ATXN7L1: variants seen among roughly 807,000 people sequenced by gnomAD.
The protein encoded by ATXN7L1 is ataxin 7 like 1.
In ATXN7L1, 15 loss-of-function variants were observed where a neutral mutation model predicts 70.8. The observed-to-expected ratio is 0.21, with a 90% CI of 0.14 to 0.33. The LOEUF is 0.33. ATXN7L1 is among the 10% of genes least tolerant of loss of function. ATXN7L1 has a pLI of 1.00. For synonymous variants in ATXN7L1, 440 were observed against 445.1 expected, an observed-to-expected ratio of 0.99 and a Z score of 0.14; for missense variants, 975 against 1,097.1, an observed-to-expected ratio of 0.89 and a Z score of 1.57.
intron 3 of ATXN7L1, among the ~76,000 whole-genome samples, chr7:105,687,152 C>G (rs1043522051): frequency 2.6e-5 from 4 of 152,170 alleles, no homozygotes; most frequent in Admixed American, 6.5e-5. Context: ...TTTCCTTTGA[C>G]TATGCACCCA....
intron 2 of ATXN7L1, among the ~76,000 whole-genome samples, chr7:105,847,971 T>C (rs1814314047): frequency 6.6e-6 from 1 of 152,186 alleles, no homozygotes. Context: ...TGTTTGAGCA[T>C]TAAGATTTCC....
intron 4 of ATXN7L1, among the ~76,000 whole-genome samples, chr7:105,660,018 C>CAACTCTGCTGTCGTA (rs1801336034): frequency 6.6e-6 from 1 of 152,064 alleles, no homozygotes; most frequent in Non-Finnish European, 1.5e-5. Context: ...GGCAGGACCA[C>CAACTCTGCTGTCGTA]AACTCTGCTG....
intron 2 of ATXN7L1, among the ~76,000 whole-genome samples, chr7:105,806,595 A>G (rs1807651438): frequency 6.6e-6 from 1 of 152,150 alleles, no homozygotes; most frequent in Non-Finnish European, 1.5e-5. Flanking sequence ...GCGGGGGCCA[A>G]GCTGGGGTTG....
intron 3 of ATXN7L1, among the ~76,000 whole-genome samples, chr7:105,700,203 G>A (rs1274176811): frequency 1.3e-5 from 2 of 152,142 alleles, no homozygotes; most frequent in East Asian, 3.9e-4. Context: ...GGGGCTGGTG[G>A]TGCTAGAAAA....
intron 3 of ATXN7L1, among the ~76,000 whole-genome samples, chr7:105,669,113 C>T (rs537199966): frequency 7.2e-5 from 11 of 152,022 alleles, no homozygotes; most frequent in African/African-American, 2.4e-4. Flanking sequence ...GAGACAGTCT[C>T]GCTCTGTTGT....
intron 2 of ATXN7L1, among the ~76,000 whole-genome samples, chr7:105,800,668 T>C (rs1417168253): frequency 1.3e-5 from 2 of 152,154 alleles, no homozygotes; most frequent in African/African-American, 4.8e-5. Flanking sequence ...GCTGGGCAGC[T>C]GTGGGGTAGT....
chr7:105,745,954 T>C (rs1798539374), intron 3 of ATXN7L1, among the ~76,000 whole-genome samples: 1 of 152,168 alleles, frequency 6.6e-6, no homozygotes, highest in Non-Finnish European at 1.5e-5. Flanking sequence ...ACATAACATG[T>C]CCCAAACCAA....
chr7:105,692,610 C>T (rs559471713), intron 3 of ATXN7L1, among the ~76,000 whole-genome samples: 1 of 152,126 alleles, frequency 6.6e-6, no homozygotes, highest in South Asian at 2.1e-4. Context: ...CTACGCCTGG[C>T]TAGTTTTTGT....
chr7:105,760,957 G>T, intron 3 of ATXN7L1: 1 of 182,106 alleles, frequency 5.5e-6, no homozygotes, highest in Non-Finnish European at 1.1e-5. Flanking sequence ...TTGTAGCCAT[G>T]ATAATGATTT....
chr7:105,631,408 T>C (rs542237661), intron 7 of ATXN7L1, among the ~76,000 whole-genome samples: 1 of 152,318 alleles, frequency 6.6e-6, no homozygotes, highest in Admixed American at 6.5e-5. Flanking sequence ...CTAAAGGTCA[T>C]GTCTACCACC....
At chr7:105,848,033 T>C (rs73717286) in intron 2 of ATXN7L1, among the ~76,000 whole-genome samples, 1,885 of 152,294 alleles carry the variant, frequency 0.012, 18 homozygotes, top group Non-Finnish European at 0.014. Context: ...AGCCTTAATC[T>C]ATAGAGGGCT....
rs951658997 is a variant in ATXN7L1, at chr7:105,605,543, C to T, written c.*2309G>A. 1 of 149,536 alleles carries T rather than the reference C, an allele frequency of 6.7e-6. No individual in the cohort carries two copies. Among genetic ancestry groups the T allele is most frequent in the Non-Finnish European group, 1.5e-5 (1 of 67,424 alleles). 9.3% of individuals were successfully genotyped at this position (149,536 alleles called of 1,614,324 possible). On this transcript the variant is annotated 3_prime_UTR_variant, in exon 12 of 12. Coordinates refer to ENST00000419735, the MANE Select transcript of ATXN7L1 (RefSeq NM_020725.2). ...GATGTAGAGAGCTACAATGTCTAAACCTATTGAATTGCTCCTTTAGTCCTT... is the reference window on the plus strand; with the variant it reads ...GATGTAGAGAGCTACAATGTCTAAATCTATTGAATTGCTCCTTTAGTCCTT...
chr7:105,792,188 T>C (rs1805350617), intron 2 of ATXN7L1, among the ~76,000 whole-genome samples: 1 of 152,176 alleles, frequency 6.6e-6, no homozygotes, highest in Non-Finnish European at 1.5e-5. Flanking sequence ...TGGAGGTGTG[T>C]TCCCCTCCAG....
At chr7:105,642,230 T>TG (rs1562941043) in intron 5 of ATXN7L1, among the ~76,000 whole-genome samples, 4 of 151,946 alleles carry the variant, frequency 2.6e-5, no homozygotes, top group African/African-American at 9.7e-5. Context: ...AACCAAGGAG[T>TG]AGACCCACAA....
At chr7:105,858,123 C>T (rs1405138995) in intron 2 of ATXN7L1, among the ~76,000 whole-genome samples, 5 of 151,926 alleles carry the variant, frequency 3.3e-5, no homozygotes, top group African/African-American at 7.3e-5. Context: ...CCCAGTTACT[C>T]GGAAGGCTGA....
chr7:105,734,612 G>C (rs1400859681), intron 3 of ATXN7L1, among the ~76,000 whole-genome samples: 2 of 151,448 alleles, frequency 1.3e-5, no homozygotes, highest in Non-Finnish European at 2.9e-5. Context: ...GTGCTGTTCT[G>C]AAGTTTTAGC....
Position 105,665,152 on chromosome 7 carries a change from T to C in ATXN7L1, c.492A>G (p.Pro164=). Reference sequence around the variant, plus strand: ...GTAGATTGTCTTTGGGCGTTTTGAATGGCTTTGAGGTGCTGCTGGCAGAGT... The same window carrying C: ...GTAGATTGTCTTTGGGCGTTTTGAACGGCTTTGAGGTGCTGCTGGCAGAGT... The part of the protein sequence containing the change: ...GHHSASSTSK[P]FKTPKDNLLT... The change falls in exon 4 of 12, where the codon CCA becomes CCG. Residue 164 remains proline, a synonymous_variant. Coordinates refer to ENST00000419735, the MANE Select transcript of ATXN7L1 (RefSeq NM_020725.2). 2 of 1,551,758 alleles carry C rather than the reference T, an allele frequency of 1.3e-6. No individual in the cohort carries two copies. Among genetic ancestry groups the C allele is most frequent in the Non-Finnish European group, 1.7e-6 (2 of 1,147,004 alleles).
chr7:105,658,130 G>C (rs846945), intron 4 of ATXN7L1, among the ~76,000 whole-genome samples: 73,526 of 151,794 alleles, frequency 0.48, 18,475 homozygotes, highest in Middle Eastern at 0.58. Flanking sequence ...AATGCAATGA[G>C]AGGTCATTTC....
At chr7:105,861,972 ATC>A (rs1816706991) in intron 2 of ATXN7L1, among the ~76,000 whole-genome samples, 1 of 152,166 alleles carries the variant, frequency 6.6e-6, no homozygotes, top group African/African-American at 2.4e-5. Flanking sequence ...GGCAGGACTC[ATC>A]TGAGTCCCTA....
Sources: allele counts gnomAD v4.1 joint callset (sites outside exome capture counted in the v4.1 genomes callset), GRCh38; gene constraint gnomAD v4.1.1; transcripts MANE v1.5; gene names NCBI Gene and HGNC (gene_info 2026-07-23, HGNC 2026-07-21).